Variants in BDNF observed in about 807,000 individuals in gnomAD.
BDNF encodes neurotrophic factor BDNF precursor form.
In BDNF, 1 loss-of-function variant was observed where a neutral mutation model predicts 19.5. The ratio of observed to expected loss-of-function variants is 0.05; its 90% confidence interval spans 0.02 to 0.24. The LOEUF (loss-of-function observed/expected upper bound fraction) is 0.24, where lower values mean the gene tolerates loss of function less well. Ranked by LOEUF, BDNF falls within the 10% of genes least tolerant of loss-of-function variation. The pLI, the probability that BDNF is intolerant of heterozygous loss-of-function variation, is 1.00. For synonymous variants in BDNF, 100 were observed against 121.6 expected (o/e 0.82, Z 1.17); for missense variants, 195 against 317.6 (o/e 0.61, Z 2.93).
intron 1 of BDNF, chr11:27,721,381 C>A (rs1337644200): frequency 7.4e-6 from 12 of 1,613,454 alleles, no homozygotes; most frequent in Non-Finnish European, 1.0e-5. Flanking sequence ...CAAGATTTTT[C>A]AATTATAATG....
In BDNF at chr11:27,657,793, ATAATC is replaced by A. The variant is rs780624690; in HGVS notation, c.*23_*27del. 1.7e-5 allele frequency: 28 copies of A among 1,610,062 alleles called. No individual in the cohort carries two copies. Among genetic ancestry groups the A allele is most frequent in the East Asian group, 2.2e-5 (1 of 44,876 alleles). On this transcript the variant is annotated 3_prime_UTR_variant, in exon 2 of 2. Transcript: ENST00000356660. The surrounding 1 kb of genome is among the most constrained non-coding windows in gnomAD (Gnocchi z 5.0). ...ACAAATAGATAATTTTTGTCTCAAT[ATAATC>A]TAATCTATACAACATAAATCCACTA... is the stretch of plus-strand genomic sequence containing the variant.
At chr11:27,705,085 C>T (rs966767123), upstream of BDNF, among the ~76,000 whole-genome samples, 2 of 152,198 alleles carry the variant, frequency 1.3e-5, no homozygotes, top group Non-Finnish European at 2.9e-5. Flanking sequence ...ACTGTTGAGA[C>T]TAAACCCCCA....
rs569421889 is a variant in BDNF, at chr11:27,656,726, T to A, written c.*1095A>T. 2.1e-5 allele frequency: 21 copies of A among 985,430 alleles called. No homozygotes were observed. In the East Asian group the frequency reaches 1.9e-3, roughly 91 times the overall value. The allele number at this position is 985,430 out of a possible 1,614,324, so 61.0% of individuals were successfully genotyped here. ...GTTAAGCCTCACCATGAGTTTTTTT[T>A]AAGCTTAGCCATGATTTACCCAAAT... On this transcript the variant is annotated 3_prime_UTR_variant, in exon 2 of 2. Transcript: ENST00000356660.
intron 1 of BDNF, among the ~76,000 whole-genome samples, chr11:27,712,704 A>G (rs1860378613): frequency 6.6e-6 from 1 of 151,694 alleles, no homozygotes; most frequent in African/African-American, 2.4e-5. Flanking sequence ...TGGTAAAGAC[A>G]GGGTTTTGCC....
intron 1 of BDNF, among the ~76,000 whole-genome samples, chr11:27,666,840 G>A (rs572850614): frequency 5.1e-4 from 78 of 152,140 alleles, no homozygotes; most frequent in Non-Finnish European, 9.0e-4. Flanking sequence ...GTTGGAAAAC[G>A]CTCTGCAGGA....
intron 1 of BDNF, among the ~76,000 whole-genome samples, chr11:27,712,427 C>T (rs1003570297): frequency 1.3e-5 from 2 of 152,128 alleles, no homozygotes; most frequent in African/African-American, 4.8e-5. Context: ...ATTACTATAT[C>T]ACACAATATA....
rs149025383 is a variant in BDNF at position 27,696,982 on chromosome 11, T to C, written c.-22+3182A>G. Among the ~76,000 whole-genome samples the C allele has an allele frequency of 2.1e-4, 32 of 152,304 alleles. 1 individual carries two copies. Among genetic ancestry groups the C allele is most frequent in the African/African-American group, 7.7e-4 (32 of 41,568 alleles). The stretch of plus-strand genomic sequence containing the variant: ...TACTCCGGGATTAATTTCCTACATC[T>C]CAAAATGTTAATAAACTACTTGAAC... On this transcript the variant is annotated intron_variant, in intron 1 of 1. Transcript: ENST00000356660.
At chr11:27,680,997 G>A (rs74852152) in intron 1 of BDNF, among the ~76,000 whole-genome samples, 1 of 152,148 alleles carries the variant, frequency 6.6e-6, no homozygotes, top group Non-Finnish European at 1.5e-5. Flanking sequence ...GAAAGATTAA[G>A]GATTTCATCC....
In BDNF at chr11:27,656,805, C is replaced by G; in HGVS notation, c.*1016G>C. On this transcript the variant is annotated 3_prime_UTR_variant, in exon 2 of 2. Coordinates refer to ENST00000356660, the MANE Select transcript of BDNF (RefSeq NM_001709.5). Reference sequence around the variant, plus strand: ...TTTTGGGGTTATTTTTTGTTGTTTTCTGTTCTAAAAAAAAATCACTGTTCT... The same window carrying G: ...TTTTGGGGTTATTTTTTGTTGTTTTGTGTTCTAAAAAAAAATCACTGTTCT... 1.0e-6 allele frequency: 1 copy of G among 985,206 alleles called. No homozygotes were observed. The highest frequency in any genetic ancestry group is 1.2e-6 in the Non-Finnish European group (1 of 829,870). The allele number at this position is 985,206 out of a possible 1,614,324, so 61.0% of individuals were successfully genotyped here.
At chr11:27,714,865 G>A (rs748133015) in intron 1 of BDNF, among the ~76,000 whole-genome samples, 2 of 152,092 alleles carry the variant, frequency 1.3e-5, no homozygotes, top group East Asian at 1.9e-4. Context: ...TGACTTTTTT[G>A]GGTACTGACA....
At chr11:27,678,411 G>A (rs1590341824) in intron 1 of BDNF, among the ~76,000 whole-genome samples, 1 of 152,346 alleles carries the variant, frequency 6.6e-6, no homozygotes, top group African/African-American at 2.4e-5. Context: ...CCAAAAGATG[G>A]AATCTAAACA....
chr11:27,688,405 C>T (rs763622819), intron 1 of BDNF, among the ~76,000 whole-genome samples: 3 of 152,164 alleles, frequency 2.0e-5, no homozygotes, highest in Admixed American at 6.5e-5. Flanking sequence ...AGCCCCTTTC[C>T]GGGGGAGTGA....
upstream of BDNF, chr11:27,701,071 G>T (rs763462935): frequency 6.0e-6 from 8 of 1,340,478 alleles, no homozygotes; most frequent in East Asian, 9.7e-5. Flanking sequence ...CCTTAAACAC[G>T]CCGGCTTAAA....
At position 27,656,654 on chromosome 11, in the gene BDNF, G is replaced by C; in HGVS notation, c.*1167C>G. 2.0e-6 allele frequency: 2 copies of C among 985,662 alleles called. No homozygotes were observed. The highest frequency in any genetic ancestry group is 2.4e-6 in the Non-Finnish European group (2 of 829,916). The allele number at this position is 985,662 out of a possible 1,614,324, so 61.1% of individuals were successfully genotyped here. A position where few individuals can be genotyped will look rare whatever the true frequency, so the allele number is the denominator to read the frequency against. On this transcript the variant is annotated 3_prime_UTR_variant, in exon 2 of 2. Transcript: ENST00000356660. Reference sequence around the variant, plus strand: ...AATGTGGATTCCTGTTCTGATCTAGGTGTTTCTGGGTTGATACAGGGCTCT... The same window carrying C: ...AATGTGGATTCCTGTTCTGATCTAGCTGTTTCTGGGTTGATACAGGGCTCT...
intron 1 of BDNF, among the ~76,000 whole-genome samples, chr11:27,683,035 AGT>A (rs1298458095): frequency 5.9e-5 from 9 of 152,332 alleles, no homozygotes; most frequent in African/African-American, 2.2e-4. Flanking sequence ...ACAGTGTAAA[AGT>A]GTTCCTATTT....
upstream of BDNF, chr11:27,700,885 C>T (rs1249122675): frequency 1.5e-6 from 2 of 1,297,830 alleles, no homozygotes; most frequent in Non-Finnish European, 1.0e-6. Flanking sequence ...GTCTCGCTCC[C>T]CTAGCTTTCA....
chr11:27,692,026 C>A (rs931759387), intron 1 of BDNF, among the ~76,000 whole-genome samples: 2 of 151,910 alleles, frequency 1.3e-5, no homozygotes, highest in Admixed American at 6.6e-5. Context: ...TCTGTCTAAC[C>A]CAAAGGAAAA....
chr11:27,716,414 AAC>A (rs3222667), intron 1 of BDNF, among the ~76,000 whole-genome samples: 72,633 of 149,842 alleles, frequency 0.48, 17,778 homozygotes, highest in Admixed American at 0.55. Context: ...CCCACTAGAA[AAC>A]ACACACAGAG....
intron 1 of BDNF, chr11:27,719,741 G>A: frequency 6.2e-6 from 1 of 160,040 alleles, no homozygotes; most frequent in Non-Finnish European, 1.2e-5. Flanking sequence ...AGGGGGCGGG[G>A]TGGAAGAAGG....
Sources: allele counts gnomAD v4.1 joint callset (sites outside exome capture counted in the v4.1 genomes callset), GRCh38; gene constraint gnomAD v4.1.1; non-coding constraint Gnocchi (gnomAD v3.1); transcripts MANE v1.5; gene names NCBI Gene and HGNC (gene_info 2026-07-23, HGNC 2026-07-21).